Variants in EIF4A2 observed in about 807,000 individuals in gnomAD.
EIF4A2 encodes eukaryotic translation initiation factor 4A2, also known as eukaryotic initiation factor 4A-II.
Under a neutral mutation model 50.6 loss-of-function variants are expected in EIF4A2, and 9 were observed. That is an observed-to-expected ratio of 0.18 (90% CI 0.11 to 0.31). The LOEUF (loss-of-function observed/expected upper bound fraction) is 0.31, where lower values mean the gene tolerates loss of function less well. EIF4A2 is among the 10% of genes least tolerant of loss of function. The probability of loss-of-function intolerance (pLI) is 1.00; values close to 1 mark genes in which losing one functional copy is unlikely to be tolerated. For missense variants in EIF4A2, 182 were observed against 501.8 expected (o/e 0.36, Z 6.09); for synonymous variants, 215 against 164.4 (o/e 1.31, Z -2.35).
chr3:186,787,457 G>C, intron 8 of EIF4A2, 38 bp from the exon 9 acceptor site: 1 of 1,612,004 alleles, frequency 6.2e-7, no homozygotes, highest in Non-Finnish European at 8.5e-7. Flanking sequence ...ATACCGACCT[G>C]ACTGGTGATT....
intron 7 of EIF4A2, 33 bp from the exon 8 acceptor site, chr3:186,787,094 A>G: frequency 1.2e-6 from 2 of 1,611,090 alleles, no homozygotes. Context: ...GAAAAACTAA[A>G]TGACTGTTAA....
chr3:186,785,215 A>G (rs1464783322), intron 4 of EIF4A2, 114 bp downstream of exon 4: 2 of 1,466,310 alleles, frequency 1.4e-6, no homozygotes, highest in African/African-American at 1.4e-5. Context: ...CCCTCCTTTT[A>G]ATTGTCCATG....
Position 186,783,671 on chromosome 3 carries a change from G to A in EIF4A2, c.29+32G>A, listed in dbSNP as rs761671807. On this transcript the variant is annotated intron_variant, in intron 1 of 10. Coordinates refer to ENST00000323963, the MANE Select transcript of EIF4A2 (RefSeq NM_001967.4). ...AGTCTGTTGGCGGTCGCGGTCTGTA[G>A]TGAAGGTCATAGGGCGCCAGGGGAG... The A allele has an allele frequency of 1.9e-6, 3 of 1,614,158 alleles. No homozygotes were observed. In the East Asian group the frequency reaches 6.7e-5, roughly 36 times the overall value.
rs1721978422 is a variant in EIF4A2 at position 186,789,107 on chromosome 3, ATTCTTT to A, written c.1080-12_1080-7del. The A allele has an allele frequency of 2.5e-6, 4 of 1,610,680 alleles. No individual in the cohort carries two copies. The highest frequency in any genetic ancestry group is 3.4e-6 in the Non-Finnish European group (4 of 1,178,488). On this transcript the variant is annotated splice_polypyrimidine_tract_variant and intron_variant, in intron 10 of 10. Coordinates refer to ENST00000323963, the MANE Select transcript of EIF4A2 (RefSeq NM_001967.4). ...ACATTATGTGAGAAGTAACGTTCTG[ATTCTTT>A]TTCTTACACAGAATTGGCAGAGGGG... is the stretch of plus-strand genomic sequence containing the variant.
intron 10 of EIF4A2, 59 bp from the exon 11 acceptor site, chr3:186,789,066 A>G (rs1253447515): frequency 2.1e-5 from 32 of 1,557,834 alleles, no homozygotes; most frequent in Non-Finnish European, 5.2e-6. Context: ...GTGGATCGTC[A>G]TGTTCAGTAG....
intron 1 of EIF4A2, 102 bp downstream of exon 1, chr3:186,783,741 G>A (rs1721507081): frequency 1.9e-6 from 3 of 1,574,086 alleles, no homozygotes; most frequent in Admixed American, 3.3e-5. Context: ...ATTAATGGAC[G>A]TTTTCTTAGG....
chr3:186,787,776 T>C, intron 9 of EIF4A2, 27 bp from the exon 10 acceptor site: 1 of 1,614,032 alleles, frequency 6.2e-7, no homozygotes, highest in African/African-American at 1.3e-5. Flanking sequence ...TTTGAATCAA[T>C]TTTTAAAACA....
At position 186,786,752 on chromosome 3, in the gene EIF4A2, TAC is replaced by T. The variant is rs757125227; in HGVS notation, c.771+113_771+114del. On this transcript the variant is annotated intron_variant, in intron 7 of 10. Coordinates refer to ENST00000323963, the MANE Select transcript of EIF4A2 (RefSeq NM_001967.4). ...GGTTTTTGCAATAATGCTAGCAGAGTACACACAAGAAGAAAAGTAACAGCACT... is the reference window on the plus strand; with the variant it reads ...GGTTTTTGCAATAATGCTAGCAGAGTACACAAGAAGAAAAGTAACAGCACT... 1.2e-5 allele frequency: 17 copies of T among 1,451,814 alleles called. No individual in the cohort carries two copies. In the Admixed American group the frequency reaches 2.3e-4, roughly 20 times the overall value. 89.9% of individuals were successfully genotyped at this position (1,451,814 alleles called of 1,614,324 possible). A position where few individuals can be genotyped will look rare whatever the true frequency, so the allele number is the denominator to read the frequency against.
At chr3:186,787,045 C>A in intron 7 of EIF4A2, 82 bp from the exon 8 acceptor site, 1 of 1,581,672 alleles carries the variant, frequency 6.3e-7, no homozygotes, top group East Asian at 2.2e-5. Flanking sequence ...GGCATTAGCA[C>A]TGTGGCTGGC....
intron 10 of EIF4A2, chr3:186,788,511 G>T (rs988535448): frequency 3.9e-5 from 42 of 1,065,788 alleles, no homozygotes; most frequent in Middle Eastern, 2.5e-4. Context: ...TTCTATTAGG[G>T]AACCTTTCTT....
chr3:186,785,797 G>C, intron 4 of EIF4A2, 86 bp from the exon 5 acceptor site: 1 of 1,505,184 alleles, frequency 6.6e-7, no homozygotes. Context: ...GCTGTTGGCA[G>C]ACCAGATTAT....
intron 10 of EIF4A2, chr3:186,788,590 TA>T: frequency 2.6e-6 from 1 of 378,402 alleles, no homozygotes; most frequent in South Asian, 3.3e-5. Context: ...ACGTTTAGAG[TA>T]ATTTGAGTTA....
intron 6 of EIF4A2, 85 bp downstream of exon 6, chr3:186,786,358 G>GA: frequency 6.6e-7 from 1 of 1,520,732 alleles, no homozygotes; most frequent in Non-Finnish European, 8.9e-7. Context: ...GATGTGTTTT[G>GA]TTGTCGTTCC....
At chr3:186,787,737 T>C in intron 9 of EIF4A2, 66 bp from the exon 10 acceptor site, 1 of 1,605,092 alleles carries the variant, frequency 6.2e-7, no homozygotes, top group Non-Finnish European at 8.5e-7. Flanking sequence ...GCTACTATTT[T>C]GTGGCCTACA....
intron 10 of EIF4A2, chr3:186,788,162 T>G: frequency 1.4e-6 from 1 of 712,980 alleles, no homozygotes; most frequent in Admixed American, 3.2e-5. Context: ...GTGTTTTTCT[T>G]GGTGATTTTT....
intron 7 of EIF4A2, 158 bp downstream of exon 7, chr3:186,786,803 C>A (rs909782373): frequency 9.5e-7 from 1 of 1,048,294 alleles, no homozygotes; most frequent in East Asian, 2.4e-5. Flanking sequence ...TGGGGTGGAC[C>A]TCTTTCTTAA....
At chr3:186,786,877 A>G (rs931997463) in intron 7 of EIF4A2, 2 of 879,610 alleles carry the variant, frequency 2.3e-6, no homozygotes, top group African/African-American at 1.7e-5. Flanking sequence ...GAATGAAGTT[A>G]ATTTTTATAA....
At chr3:186,786,669 T>C (rs923191799) in intron 7 of EIF4A2, 24 bp downstream of exon 7, 3 of 1,612,998 alleles carry the variant, frequency 1.9e-6, no homozygotes, top group Non-Finnish European at 2.5e-6. Context: ...TGTTAGACAT[T>C]ATTTTACCTT....
chr3:186,787,962 A>C (rs961888126), intron 10 of EIF4A2, 80 bp downstream of exon 10: 2 of 1,420,018 alleles, frequency 1.4e-6, no homozygotes, highest in African/African-American at 2.8e-5. Context: ...GTAACATCAA[A>C]TCAAGGAATA....
Sources: allele counts gnomAD v4.1 joint callset, GRCh38; gene constraint gnomAD v4.1.1; transcripts MANE v1.5; gene names NCBI Gene and HGNC (gene_info 2026-07-23, HGNC 2026-07-21).